GALNT1: variants seen among roughly 807,000 people sequenced by gnomAD.
The protein encoded by GALNT1 is GalNAc transferase 1.
In GALNT1, 17 loss-of-function variants were observed where a neutral mutation model predicts 65.7. The observed-to-expected ratio is 0.26, with a 90% CI of 0.18 to 0.39. The LOEUF (loss-of-function observed/expected upper bound fraction) is 0.39. GALNT1 is among the 10% of genes least tolerant of loss of function. The probability of loss-of-function intolerance (pLI) is 1.00; values close to 1 mark genes in which losing one functional copy is unlikely to be tolerated. For missense variants in GALNT1, 460 were observed against 672.8 expected (o/e 0.68, Z 3.50); for synonymous variants, 210 against 219.7 (o/e 0.96, Z 0.39).
intron 11 of GALNT1, among the ~76,000 whole-genome samples, chr18:35,706,091 G>A (rs1255280278): frequency 6.6e-6 from 1 of 152,230 alleles, no homozygotes. Flanking sequence ...TCGTTAGAGT[G>A]TGAGATGGCC....
At chr18:35,667,088 C>T (rs2047560641) in intron 3 of GALNT1, among the ~76,000 whole-genome samples, 1 of 152,100 alleles carries the variant, frequency 6.6e-6, no homozygotes, top group Non-Finnish European at 1.5e-5. Context: ...ATTCTTATAC[C>T]CTCTGAGATG....
intron 3 of GALNT1, among the ~76,000 whole-genome samples, chr18:35,665,030 CT>C (rs757703058): frequency 1.3e-5 from 2 of 152,232 alleles, no homozygotes; most frequent in Non-Finnish European, 2.9e-5. Flanking sequence ...CCTGATCACC[CT>C]TATGGAAACT....
rs151279881 is a variant in GALNT1, at chr18:35,657,875, G to A, written c.139+3074G>A. Among the ~76,000 whole-genome samples, 441 of 152,266 alleles carry A rather than the reference G, an allele frequency of 2.9e-3. 1 individual carries two copies. The highest frequency in any genetic ancestry group is 9.8e-3 in the African/African-American group (408 of 41,560). ...GTAGTTACAAGAGAGAAATGGAGCC[G>A]AAGTTGGTTTTCTATGTATTTATTA... On this transcript the variant is annotated intron_variant, in intron 2 of 11. Transcript: ENST00000269195.
At chr18:35,692,536 G>A (rs2047984994) in intron 9 of GALNT1, among the ~76,000 whole-genome samples, 1 of 151,644 alleles carries the variant, frequency 6.6e-6, no homozygotes, top group Admixed American at 6.6e-5. Context: ...CTGAGTTGAT[G>A]CGCCTGGAGA....
chr18:35,585,730 T>G (rs924445703), intron 1 of GALNT1, among the ~76,000 whole-genome samples: 3 of 152,234 alleles, frequency 2.0e-5, no homozygotes, highest in African/African-American at 7.2e-5. Flanking sequence ...ATAAGTGTCT[T>G]TTGGAATTGG....
At chr18:35,675,298 G>A (rs2144553499) in intron 3 of GALNT1, among the ~76,000 whole-genome samples, 1 of 152,178 alleles carries the variant, frequency 6.6e-6, no homozygotes, top group African/African-American at 2.4e-5. Flanking sequence ...GGTTAATTAT[G>A]GTTGTTTAAT....
intron 1 of GALNT1, among the ~76,000 whole-genome samples, chr18:35,603,697 TC>T (rs1198364488): frequency 6.6e-6 from 1 of 152,082 alleles, no homozygotes; most frequent in Admixed American, 6.6e-5. Flanking sequence ...CTTCTCTTCT[TC>T]CCCACTGTGT....
intron 1 of GALNT1, among the ~76,000 whole-genome samples, chr18:35,642,468 G>A (rs1291639696): frequency 3.3e-5 from 5 of 152,158 alleles, no homozygotes; most frequent in Non-Finnish European, 7.3e-5. Context: ...GTAAGAATAG[G>A]GATTGCCTTT....
intron 1 of GALNT1, among the ~76,000 whole-genome samples, chr18:35,622,909 C>A (rs966977469): frequency 1.3e-5 from 2 of 151,788 alleles, no homozygotes; most frequent in African/African-American, 4.8e-5. Flanking sequence ...TCCATGAGTT[C>A]TTTGTTTTAA....
rs78182372 is a variant in GALNT1, at chr18:35,584,718, T to C, written c.-104+2856T>C. On this transcript the variant is annotated intron_variant, in intron 1 of 11. Transcript: ENST00000269195. The stretch of plus-strand genomic sequence containing the variant: ...ACACCTCAGATCATCAGGCATTAGA[T>C]TCTCATAAGTCTTGTGCAACCTAGA... 5.6e-3 allele frequency among the ~76,000 whole-genome samples: 859 copies of C among 152,334 alleles called. 21 individuals are homozygous for C. The East Asian group carries it at 0.064, about 11-fold the overall frequency.
At chr18:35,625,550 T>A (rs2046906510) in intron 1 of GALNT1, among the ~76,000 whole-genome samples, 3 of 152,182 alleles carry the variant, frequency 2.0e-5, no homozygotes, top group Admixed American at 6.5e-5. Context: ...AGACTTGCCT[T>A]AGGGATAGAG....
chr18:35,681,686 A>G (rs1026953847), intron 4 of GALNT1, among the ~76,000 whole-genome samples: 1 of 152,140 alleles, frequency 6.6e-6, no homozygotes, highest in Non-Finnish European at 1.5e-5. Flanking sequence ...ACCCTACTGC[A>G]TGAAATTCTA....
intron 1 of GALNT1, among the ~76,000 whole-genome samples, chr18:35,589,816 T>C (rs1347393947): frequency 6.6e-6 from 1 of 152,250 alleles, no homozygotes; most frequent in Non-Finnish European, 1.5e-5. Flanking sequence ...TTTCCTAATA[T>C]GTGTAAAATA....
At chr18:35,620,642 CAT>C (rs1189877685) in intron 1 of GALNT1, among the ~76,000 whole-genome samples, 1 of 152,154 alleles carries the variant, frequency 6.6e-6, no homozygotes, top group Non-Finnish European at 1.5e-5. Flanking sequence ...ATTAATGGAA[CAT>C]ATTGTACATA....
intron 11 of GALNT1, among the ~76,000 whole-genome samples, chr18:35,707,189 T>C (rs2144771850): frequency 6.6e-6 from 1 of 152,356 alleles, no homozygotes; most frequent in African/African-American, 2.4e-5. Context: ...ATCTGTCCTT[T>C]CTGGAATAAA....
At chr18:35,605,227 G>C (rs2046631181) in intron 1 of GALNT1, among the ~76,000 whole-genome samples, 1 of 151,924 alleles carries the variant, frequency 6.6e-6, no homozygotes, top group East Asian at 1.9e-4. Context: ...CTTTTTTTCT[G>C]ACCTGGCACG....
Position 35,626,715 on chromosome 18 carries a change from A to C in GALNT1, c.-103-27845A>C, listed in dbSNP as rs138732924. 2.8e-4 allele frequency among the ~76,000 whole-genome samples: 42 copies of C among 152,244 alleles called. 1 individual carries two copies. The East Asian group carries it at 8.1e-3, about 29-fold the overall frequency. On this transcript the variant is annotated intron_variant, in intron 1 of 11. Coordinates refer to ENST00000269195, the MANE Select transcript of GALNT1 (RefSeq NM_020474.4). ...ATCATGAGGGTCCTGCGTGCTCTCC[A>C]TGTTTTCAATTTGTTATCCTCAGCA...
At chr18:35,698,313 T>C (rs993103455) in intron 9 of GALNT1, among the ~76,000 whole-genome samples, 2 of 151,194 alleles carry the variant, frequency 1.3e-5, no homozygotes, top group African/African-American at 4.9e-5. Context: ...ACTAAAAATA[T>C]GAAAAATTAG....
At chr18:35,703,113 A>G (rs1222776203) in intron 10 of GALNT1, 118 bp downstream of exon 10, 1 of 615,988 alleles carries the variant, frequency 1.6e-6, no homozygotes, top group Admixed American at 3.2e-5. Context: ...AGAAAATAAT[A>G]AAGACTTTTA....
Sources: gnomAD v4.1 joint callset for allele counts (sites outside exome capture counted in the v4.1 genomes callset) on GRCh38, gnomAD v4.1.1 for gene constraint, MANE v1.5 for transcripts, NCBI Gene and HGNC (gene_info 2026-07-23, HGNC 2026-07-21) for gene names.